The following ZBTB46 variants were observed in gnomAD, a reference collection of about 807,000 sequenced individuals.
ZBTB46 encodes zinc finger and BTB domain-containing protein 46.
ZBTB46 carries 8 observed loss-of-function variants against 44.1 expected under a neutral mutation model. The ratio of observed to expected loss-of-function variants is 0.18; its 90% confidence interval spans 0.11 to 0.33. The LOEUF (loss-of-function observed/expected upper bound fraction) is 0.33, where lower values mean the gene tolerates loss of function less well. Among genes scored for constraint, ZBTB46 ranks in the 10% least tolerant of loss-of-function variants. The probability of loss-of-function intolerance (pLI) is 1.00; values close to 1 mark genes in which losing one functional copy is unlikely to be tolerated. For missense variants in ZBTB46, 651 were observed against 847.7 expected (o/e 0.77, Z 2.88); for synonymous variants, 409 against 382.3 (o/e 1.07, Z -0.81).
chr20:63,791,248 C>A (rs2092558192), intron 1 of ZBTB46, among the ~76,000 whole-genome samples: 1 of 152,092 alleles, frequency 6.6e-6, no homozygotes, highest in Non-Finnish European at 1.5e-5. Flanking sequence ...GTAATCCCAG[C>A]AATCTGGGAG....
intron 3 of ZBTB46, among the ~76,000 whole-genome samples, chr20:63,771,758 A>T (rs1022815914): frequency 6.6e-6 from 1 of 152,228 alleles, no homozygotes; most frequent in Non-Finnish European, 1.5e-5. Flanking sequence ...GTGAGGGAGG[A>T]CCACAGAACT....
intron 1 of ZBTB46, among the ~76,000 whole-genome samples, chr20:63,830,760 G>C (rs1212252472): frequency 6.8e-6 from 1 of 146,216 alleles, no homozygotes; most frequent in Non-Finnish European, 1.5e-5. Context: ...GGGAGGTGCC[G>C]GGGGCCGAGG....
intron 3 of ZBTB46, among the ~76,000 whole-genome samples, chr20:63,760,369 T>A (rs937136993): frequency 9.9e-5 from 15 of 152,264 alleles, no homozygotes; most frequent in Admixed American, 8.5e-4. Flanking sequence ...ATTTTCCCAT[T>A]TCCTCCAATG....
chr20:63,750,130 G>T (rs757943959), intron 4 of ZBTB46, among the ~76,000 whole-genome samples: 1 of 152,236 alleles, frequency 6.6e-6, no homozygotes, highest in Non-Finnish European at 1.5e-5. Flanking sequence ...GTGGAGGCTG[G>T]ACCGGCTAGA....
chr20:63,806,915 T>G (rs1395907920), intron 1 of ZBTB46, among the ~76,000 whole-genome samples: 2 of 152,150 alleles, frequency 1.3e-5, no homozygotes, highest in Admixed American at 6.5e-5. Flanking sequence ...CCTGAGTAGC[T>G]GGGACTACCA....
chr20:63,757,039 C>T (rs995790188), intron 3 of ZBTB46, among the ~76,000 whole-genome samples: 2 of 152,216 alleles, frequency 1.3e-5, no homozygotes, highest in African/African-American at 4.8e-5. Context: ...ACCTGCTTGG[C>T]TTCCGCAGAT....
Position 63,782,096 on chromosome 20 carries a change from A to AAAAAAAAAAAAGAAAAG in ZBTB46, c.938-6135_938-6134insCTTTTCTTTTTTTTTTT, listed in dbSNP as rs1386082316. Among the ~76,000 whole-genome samples, 21 of 124,960 alleles carry AAAAAAAAAAAAGAAAAG rather than the reference A, an allele frequency of 1.7e-4. 1 individual carries two copies. The highest frequency in any genetic ancestry group is 3.2e-4 in the African/African-American group (11 of 34,324). 82.0% of individuals were successfully genotyped at this position (124,960 alleles called of 152,430 possible). A position where few individuals can be genotyped will look rare whatever the true frequency, so the allele number is the denominator to read the frequency against. On this transcript the variant is annotated intron_variant, in intron 2 of 4. Transcript: ENST00000245663. ...AGCAAGACTCCGTCTCAAAAAAAAA[A>AAAAAAAAAAAAGAAAAG]AAAAGAAAAGAGGCGTGGCGATTTT...
chr20:63,788,880 G>A (rs1289692111), intron 2 of ZBTB46, among the ~76,000 whole-genome samples: 1 of 149,166 alleles, frequency 6.7e-6, no homozygotes, highest in African/African-American at 2.5e-5. Context: ...TTGTTGCCCA[G>A]GTTGGAGTGC....
chr20:63,772,315 A>G (rs1241403055), intron 3 of ZBTB46, among the ~76,000 whole-genome samples: 1 of 152,204 alleles, frequency 6.6e-6, no homozygotes, highest in Non-Finnish European at 1.5e-5. Flanking sequence ...AAATTCTTAC[A>G]AGAGAAATAG....
intron 3 of ZBTB46, among the ~76,000 whole-genome samples, chr20:63,757,301 T>G (rs1429456437): frequency 6.6e-6 from 1 of 152,126 alleles, no homozygotes; most frequent in Non-Finnish European, 1.5e-5. Context: ...TTTTGTATTT[T>G]CAGTAGAGAC....
intron 1 of ZBTB46, among the ~76,000 whole-genome samples, chr20:63,822,867 A>G (rs1394441825): frequency 7.2e-6 from 1 of 139,424 alleles, no homozygotes; most frequent in African/African-American, 2.8e-5. Flanking sequence ...TGTTTTAAAA[A>G]TGGAAACAAA....
chr20:63,765,456 G>T (rs2092313579), intron 3 of ZBTB46, among the ~76,000 whole-genome samples: 1 of 152,118 alleles, frequency 6.6e-6, no homozygotes. Flanking sequence ...TTGATACAGG[G>T]TCTCACTCTG....
At chr20:63,816,170 G>C (rs2092756730) in intron 1 of ZBTB46, among the ~76,000 whole-genome samples, 1 of 151,704 alleles carries the variant, frequency 6.6e-6, no homozygotes. Flanking sequence ...AGGTGCGGTG[G>C]GCACAGATGC....
chr20:63,814,006 G>A (rs577511239), intron 1 of ZBTB46, among the ~76,000 whole-genome samples: 6 of 152,234 alleles, frequency 3.9e-5, no homozygotes, highest in Admixed American at 2.0e-4. Flanking sequence ...AGACCGAGGC[G>A]GGTGGATCAC....
rs756632864 is a variant in ZBTB46 at position 63,790,363 on chromosome 20, C to T, written c.395G>A (p.Ser132Asn). The T allele has an allele frequency of 2.5e-6, 4 of 1,613,142 alleles. No homozygotes were observed. The highest frequency in any genetic ancestry group is 3.4e-6 in the Non-Finnish European group (4 of 1,179,960). Reference sequence around the variant, plus strand: ...CTCATCTGAGGCGTCCGACTTGATGCTGATGTCCAGCGCCGCCTTGATGAA... The same window carrying T: ...CTCATCTGAGGCGTCCGACTTGATGTTGATGTCCAGCGCCGCCTTGATGAA... ...HDFIKAALDI[S>N]IKSDASDELA... Residue 132 changes from serine (S) to asparagine (N), a missense_variant, in exon 2 of 5, where the codon AGC (serine) becomes AAC (asparagine). Physicochemically the swap from Ser to Asn is conservative, Grantham distance 46. Coordinates refer to ENST00000245663, the MANE Select transcript of ZBTB46 (RefSeq NM_001369741.1).
In ZBTB46 at chr20:63,826,392, G is replaced by A. The variant is rs979623800; in HGVS notation, c.-34+4705C>T. 3.3e-5 allele frequency among the ~76,000 whole-genome samples: 5 copies of A among 152,156 alleles called. No homozygotes were observed. The East Asian group carries it at 7.7e-4, about 23-fold the overall frequency. The stretch of plus-strand genomic sequence containing the variant: ...CTCAAAGAGAAACCAAGAGGAGCCC[G>A]GGGGCGACACCTGGGCCGACAATGA... On this transcript the variant is annotated intron_variant, in intron 1 of 4. Transcript: ENST00000245663.
intron 1 of ZBTB46, among the ~76,000 whole-genome samples, chr20:63,804,168 G>C (rs2092667046): frequency 6.6e-6 from 1 of 152,118 alleles, no homozygotes; most frequent in South Asian, 2.1e-4. Context: ...AGCAGCTCCA[G>C]GCCTCAGCAT....
At chr20:63,808,246 G>A (rs78797915) in intron 1 of ZBTB46, 2 of 103,656 alleles carry the variant, frequency 1.9e-5, no homozygotes, top group Non-Finnish European at 3.8e-5. Context: ...CACAGACGGA[G>A]GGGGGGCCCA....
upstream of ZBTB46, among the ~76,000 whole-genome samples, chr20:63,831,431 C>T (rs1363816887): frequency 1.4e-5 from 2 of 143,792 alleles, no homozygotes; most frequent in African/African-American, 5.0e-5. Context: ...GGCCCGGCCG[C>T]CGGCCCCGCC....
Sources: allele counts gnomAD v4.1 joint callset (sites outside exome capture counted in the v4.1 genomes callset), GRCh38; gene constraint gnomAD v4.1.1; transcripts MANE v1.5; gene names NCBI Gene and HGNC (gene_info 2026-07-23, HGNC 2026-07-21).